The following TBC1D22A variants were observed in gnomAD, a reference collection of about 807,000 sequenced individuals.
TBC1D22A encodes TBC1 domain family member 22A.
A neutral mutation model predicts 60.2 loss-of-function variants in TBC1D22A; 38 were observed. The observed-to-expected ratio is 0.63, with a 90% confidence interval of 0.49 to 0.83. The LOEUF (loss-of-function observed/expected upper bound fraction) is 0.83. Ranked by LOEUF, TBC1D22A falls within the 40% of genes least tolerant of loss-of-function variation. The probability of loss-of-function intolerance (pLI) is 0.00; values close to 1 mark genes in which losing one functional copy is unlikely to be tolerated. For synonymous variants in TBC1D22A, 302 were observed against 281.7 expected, an observed-to-expected ratio of 1.07 and a Z score of -0.72; for missense variants, 628 against 701.0, an observed-to-expected ratio of 0.90 and a Z score of 1.18.
At chr22:46,815,914 C>CG (rs1228664792) in intron 4 of TBC1D22A, among the ~76,000 whole-genome samples, 5 of 152,016 alleles carry the variant, frequency 3.3e-5, no homozygotes, top group Non-Finnish European at 5.9e-5. Flanking sequence ...TGGAGATAAT[C>CG]GGCTGGAGCC....
chr22:46,830,950 A>G (rs1266129178), intron 4 of TBC1D22A, among the ~76,000 whole-genome samples: 1 of 152,096 alleles, frequency 6.6e-6, no homozygotes, highest in East Asian at 1.9e-4. Context: ...AGATGGAGTC[A>G]GAGAATCTAG....
At chr22:46,854,208 T>A (rs2087445493) in intron 4 of TBC1D22A, among the ~76,000 whole-genome samples, 1 of 152,216 alleles carries the variant, frequency 6.6e-6, no homozygotes, top group African/African-American at 2.4e-5. Flanking sequence ...CAGAAATGTG[T>A]CACGTGTGAT....
intron 11 of TBC1D22A, among the ~76,000 whole-genome samples, chr22:47,089,118 C>T (rs2064815097): frequency 6.6e-6 from 1 of 152,168 alleles, no homozygotes; most frequent in South Asian, 2.1e-4. Context: ...AGAGAGTTGG[C>T]TCTCAGATGC....
At chr22:47,173,197 C>G (rs968862832) in intron 12 of TBC1D22A, among the ~76,000 whole-genome samples, 1 of 152,200 alleles carries the variant, frequency 6.6e-6, no homozygotes, top group Non-Finnish European at 1.5e-5. Flanking sequence ...GCGCAGTGGG[C>G]CTCCTGCCTG....
chr22:47,030,571 A>G (rs2062437510), intron 10 of TBC1D22A, among the ~76,000 whole-genome samples: 1 of 152,238 alleles, frequency 6.6e-6, no homozygotes, highest in African/African-American at 2.4e-5. Context: ...ACTTTACAAC[A>G]ATAACGTTGC....
chr22:46,981,292 G>C (rs940621901), intron 9 of TBC1D22A, among the ~76,000 whole-genome samples: 1 of 152,174 alleles, frequency 6.6e-6, no homozygotes, highest in East Asian at 1.9e-4. Context: ...TGAGTGCTTC[G>C]TTGTAATATT....
At chr22:46,842,250 A>C (rs1247336361) in intron 4 of TBC1D22A, among the ~76,000 whole-genome samples, 1 of 152,248 alleles carries the variant, frequency 6.6e-6, no homozygotes, top group Non-Finnish European at 1.5e-5. Context: ...GATAGGGACA[A>C]CTAAGATGTG....
At chr22:46,918,521 G>A (rs188198112) in intron 8 of TBC1D22A, among the ~76,000 whole-genome samples, 1 of 152,094 alleles carries the variant, frequency 6.6e-6, no homozygotes, top group East Asian at 1.9e-4. Context: ...GTAAGGAAAT[G>A]GAGAAGAAGT....
At chr22:46,971,930 G>A (rs974208043) in intron 8 of TBC1D22A, among the ~76,000 whole-genome samples, 5 of 152,236 alleles carry the variant, frequency 3.3e-5, no homozygotes, top group South Asian at 2.1e-4. Flanking sequence ...CCTGCAGCCC[G>A]GCAGGGAGCC....
intron 8 of TBC1D22A, among the ~76,000 whole-genome samples, chr22:46,921,664 G>A (rs576206872): frequency 1.3e-4 from 20 of 152,268 alleles, no homozygotes; most frequent in African/African-American, 3.8e-4. Flanking sequence ...AGAAATCACC[G>A]AACTGCTTTC....
At chr22:46,804,432 C>T (rs1337434231) in intron 4 of TBC1D22A, among the ~76,000 whole-genome samples, 1 of 152,224 alleles carries the variant, frequency 6.6e-6, no homozygotes, top group Non-Finnish European at 1.5e-5. Context: ...CTAATTTATT[C>T]CCTCTTAATC....
intron 10 of TBC1D22A, among the ~76,000 whole-genome samples, chr22:46,998,894 A>G (rs1489769722): frequency 2.6e-5 from 4 of 152,042 alleles, no homozygotes; most frequent in South Asian, 4.1e-4. Flanking sequence ...CGCACGCTCC[A>G]CCGCGCGGTC....
chr22:47,022,413 C>G (rs987974506), intron 10 of TBC1D22A, among the ~76,000 whole-genome samples: 7 of 152,112 alleles, frequency 4.6e-5, no homozygotes, highest in Admixed American at 2.0e-4. Context: ...TGTCAGGAGG[C>G]ACCTGCAGGT....
chr22:46,839,086 C>T (rs144451750), intron 4 of TBC1D22A, among the ~76,000 whole-genome samples: 52 of 152,220 alleles, frequency 3.4e-4, no homozygotes, highest in African/African-American at 1.2e-3. Context: ...TGATCTTATA[C>T]GTAGATAACC....
chr22:46,985,620 TCC>T (rs2074693368), intron 9 of TBC1D22A, among the ~76,000 whole-genome samples: 1 of 152,198 alleles, frequency 6.6e-6, no homozygotes, highest in Non-Finnish European at 1.5e-5. Flanking sequence ...TAAGTAATAC[TCC>T]ACCGTGTGAA....
intron 8 of TBC1D22A, among the ~76,000 whole-genome samples, chr22:46,937,304 C>T (rs141693782): frequency 2.0e-5 from 3 of 152,310 alleles, no homozygotes; most frequent in East Asian, 1.9e-4. Context: ...TACAGTTCTG[C>T]GCCACATAAT....
intron 8 of TBC1D22A, among the ~76,000 whole-genome samples, chr22:46,932,428 C>T (rs1229494765): frequency 6.6e-6 from 1 of 152,224 alleles, no homozygotes; most frequent in African/African-American, 2.4e-5. Flanking sequence ...ATTTGTCCTT[C>T]AGCTTTTGCA....
At chr22:47,153,518 G>A (rs940395535) in intron 12 of TBC1D22A, among the ~76,000 whole-genome samples, 2 of 152,004 alleles carry the variant, frequency 1.3e-5, no homozygotes, top group Non-Finnish European at 2.9e-5. Context: ...GGCCCGGTCT[G>A]CCTGGGGGAG....
chr22:46,841,406 C>T (rs2086766057), intron 4 of TBC1D22A, among the ~76,000 whole-genome samples: 1 of 152,218 alleles, frequency 6.6e-6, no homozygotes, highest in African/African-American at 2.4e-5. Flanking sequence ...TAGACTTTCA[C>T]CCTCCAGAAT....
Sources: allele counts gnomAD v4.1 joint callset (sites outside exome capture counted in the v4.1 genomes callset), GRCh38; gene constraint gnomAD v4.1.1; transcripts MANE v1.5; gene names NCBI Gene and HGNC (gene_info 2026-07-23, HGNC 2026-07-21).